Variants in KLHL2 observed in about 807,000 individuals in gnomAD.
KLHL2 encodes the protein kelch like family member 2, also known as kelch-like protein 2.
In KLHL2, 15 loss-of-function variants were observed where a neutral mutation model predicts 75.8. That is an observed-to-expected ratio of 0.20 (90% CI 0.13 to 0.30). The LOEUF (loss-of-function observed/expected upper bound fraction) is 0.30. KLHL2 is among the 10% of genes least tolerant of loss of function. KLHL2 has a pLI of 1.00. For synonymous variants in KLHL2, 214 were observed against 251.9 expected, an observed-to-expected ratio of 0.85 and a Z score of 1.42; for missense variants, 381 against 741.0, an observed-to-expected ratio of 0.51 and a Z score of 5.64.
At chr4:165,307,404 T>C (rs951181317) in intron 9 of KLHL2, among the ~76,000 whole-genome samples, 12 of 152,250 alleles carry the variant, frequency 7.9e-5, no homozygotes, top group Admixed American at 7.9e-4. Context: ...AATTCTGGTA[T>C]ATTCTTTCCC....
Position 165,270,462 on chromosome 4 carries a change from A to C in KLHL2, c.544+7103A>C, listed in dbSNP as rs374175285. The stretch of plus-strand genomic sequence containing the variant: ...GTTTCTCCCCATCTTTGTGGTTTTA[A>C]CTACCTTTTGTCTTTGATGTTGGGG... On this transcript the variant is annotated intron_variant, in intron 5 of 14. Coordinates refer to ENST00000226725, the MANE Select transcript of KLHL2 (RefSeq NM_007246.4). Among the ~76,000 whole-genome samples the C allele has an allele frequency of 2.0e-5, 3 of 152,150 alleles. No individual in the cohort carries two copies. In the East Asian group the frequency reaches 5.8e-4, roughly 29 times the overall value.
chr4:165,265,799 A>G lies in KLHL2; in HGVS notation c.544+2440A>G, dbSNP rs561945585. On this transcript the variant is annotated intron_variant, in intron 5 of 14. Coordinates refer to ENST00000226725, the MANE Select transcript of KLHL2 (RefSeq NM_007246.4). ...AATAAACATGTGTGCGTGTGTCTTT[A>G]TAGTAGTATGATATATAATGCTTTG... Among the ~76,000 whole-genome samples the G allele has an allele frequency of 3.9e-5, 6 of 152,238 alleles. No homozygotes were observed. In the South Asian group the frequency reaches 1.2e-3, roughly 32 times the overall value.
At chr4:165,214,594 C>T (rs948206864) in intron 1 of KLHL2, among the ~76,000 whole-genome samples, 2 of 152,134 alleles carry the variant, frequency 1.3e-5, no homozygotes, top group African/African-American at 4.8e-5. Context: ...CCTCAGACAT[C>T]CCAACCTCCT....
chr4:165,242,704 C>T (rs1165878877), intron 4 of KLHL2, among the ~76,000 whole-genome samples: 2 of 152,118 alleles, frequency 1.3e-5, no homozygotes, highest in African/African-American at 4.8e-5. Context: ...ACCATGTTGG[C>T]CAGGCTGGTC....
At chr4:165,235,842 G>T (rs1035871159) in intron 3 of KLHL2, among the ~76,000 whole-genome samples, 1 of 152,244 alleles carries the variant, frequency 6.6e-6, no homozygotes, top group Non-Finnish European at 1.5e-5. Context: ...AGCATCAGGG[G>T]TAAGACATTG....
At chr4:165,229,136 T>G (rs1159163826) in intron 3 of KLHL2, among the ~76,000 whole-genome samples, 1 of 152,230 alleles carries the variant, frequency 6.6e-6, no homozygotes, top group Non-Finnish European at 1.5e-5. Flanking sequence ...TGCTCAACTT[T>G]CTCCCTGTAA....
chr4:165,304,168 AC>A (rs1490987065), intron 8 of KLHL2, among the ~76,000 whole-genome samples: 1 of 152,314 alleles, frequency 6.6e-6, no homozygotes, highest in East Asian at 1.9e-4. Context: ...GACGTGAGCC[AC>A]CATACCTGGC....
At chr4:165,250,079 A>G (rs956105753) in intron 4 of KLHL2, among the ~76,000 whole-genome samples, 6 of 150,234 alleles carry the variant, frequency 4.0e-5, no homozygotes, top group East Asian at 2.0e-4. Flanking sequence ...AGCCGAGATC[A>G]CCCCACTGCA....
At chr4:165,218,076 C>T (rs1428926339) in intron 1 of KLHL2, among the ~76,000 whole-genome samples, 1 of 152,164 alleles carries the variant, frequency 6.6e-6, no homozygotes, top group Admixed American at 6.5e-5. Flanking sequence ...GTTTTCATCA[C>T]CTCCACTGCG....
At position 165,314,044 on chromosome 4, in the gene KLHL2, A is replaced by G; in HGVS notation, c.1487A>G (p.Asn496Ser). The G allele has an allele frequency of 3.1e-6, 5 of 1,613,166 alleles. No individual in the cohort carries two copies. Among genetic ancestry groups the G allele is most frequent in the Non-Finnish European group, 4.2e-6 (5 of 1,179,520 alleles). The change falls in exon 13 of 15, where the codon AAT becomes AGT. Residue 496 changes from asparagine (N) to serine (S), a missense_variant. This residue lies in a region of KLHL2 where 168 missense variants were observed against 370.4 expected (regional missense o/e 0.45). Transcript: ENST00000226725. ...TTTATAGGTGTTGGTGTGTTAAACA[A>G]TTTATTGTATGCTGTAGGAGGTCAT... The part of the protein sequence containing the change: ...RSGAGVGVLN[N>S]LLYAVGGHDG...
chr4:165,210,878 A>C (rs796111136), intron 1 of KLHL2, among the ~76,000 whole-genome samples: 1 of 152,196 alleles, frequency 6.6e-6, no homozygotes, highest in African/African-American at 2.4e-5. Context: ...CTTACTGATC[A>C]GTCTTCTTGG....
intron 3 of KLHL2, among the ~76,000 whole-genome samples, chr4:165,237,932 C>T (rs1305703302): frequency 1.3e-5 from 2 of 152,064 alleles, no homozygotes; most frequent in African/African-American, 2.4e-5. Flanking sequence ...AAACTTGCCT[C>T]CTACTCTCCC....
intron 4 of KLHL2, among the ~76,000 whole-genome samples, chr4:165,255,348 A>C (rs1741076354): frequency 6.6e-6 from 1 of 152,194 alleles, no homozygotes; most frequent in Non-Finnish European, 1.5e-5. Context: ...ATCTTGTGTT[A>C]TTAGCCATTA....
At chr4:165,310,003 C>T (rs2126558891) in intron 9 of KLHL2, among the ~76,000 whole-genome samples, 1 of 152,256 alleles carries the variant, frequency 6.6e-6, no homozygotes, top group Admixed American at 6.5e-5. Context: ...AACCAAGAGT[C>T]AACATGGTAC....
chr4:165,293,349 C>G (rs938360751), intron 5 of KLHL2, among the ~76,000 whole-genome samples: 4 of 151,744 alleles, frequency 2.6e-5, no homozygotes, highest in African/African-American at 9.7e-5. Context: ...TTTGTGAAAT[C>G]AAGGGAAAAA....
In KLHL2 at chr4:165,302,552, C is replaced by T. The variant is rs144399508; in HGVS notation, c.921+2896C>T. ...ATATCTCAGACATTAGTTTTGGCTT[C>T]TCAATAAACAGATTGTATAAGGTAT... On this transcript the variant is annotated intron_variant, in intron 8 of 14. Transcript: ENST00000226725. 9.5e-3 allele frequency among the ~76,000 whole-genome samples: 1,441 copies of T among 152,172 alleles called. 12 individuals are homozygous for T. Among genetic ancestry groups the T allele is most frequent in the South Asian group, 0.022 (108 of 4,822 alleles).
At chr4:165,301,975 C>T (rs2126526868) in intron 8 of KLHL2, among the ~76,000 whole-genome samples, 1 of 152,216 alleles carries the variant, frequency 6.6e-6, no homozygotes, top group African/African-American at 2.4e-5. Context: ...GTTGTGTTTA[C>T]ATTGTTCCTG....
intron 3 of KLHL2, among the ~76,000 whole-genome samples, chr4:165,230,569 C>CTT (rs35635891): frequency 5.3e-4 from 74 of 140,442 alleles, no homozygotes; most frequent in East Asian, 1.1e-3. Flanking sequence ...AAGCTAGGCT[C>CTT]TTTTTTTTTT....
intron 4 of KLHL2, among the ~76,000 whole-genome samples, chr4:165,262,547 G>A (rs1290575112): frequency 6.6e-6 from 1 of 152,044 alleles, no homozygotes; most frequent in East Asian, 1.9e-4. Flanking sequence ...GCACCCCCTA[G>A]CATCCTAATA....
Sources: gnomAD v4.1 joint callset for allele counts (sites outside exome capture counted in the v4.1 genomes callset) on GRCh38, gnomAD v4.1.1 for gene constraint, gnomAD v4.1.1 regional missense constraint, MANE v1.5 for transcripts, NCBI Gene and HGNC (gene_info 2026-07-23, HGNC 2026-07-21) for gene names.